LHFPL6: variants seen among roughly 807,000 people sequenced by gnomAD.
LHFPL6 encodes the protein LHFPL tetraspan subfamily member 6.
A neutral mutation model predicts 20.6 loss-of-function variants in LHFPL6; 9 were observed. That is an observed-to-expected ratio of 0.44 (90% CI 0.26 to 0.76). The LOEUF (loss-of-function observed/expected upper bound fraction) is 0.76, where lower values mean the gene tolerates loss of function less well. Among genes scored for constraint, LHFPL6 ranks in the 30% least tolerant of loss-of-function variants. The pLI, the probability that LHFPL6 is intolerant of heterozygous loss-of-function variation, is 0.20. For missense variants in LHFPL6, 218 were observed against 253.5 expected, an observed-to-expected ratio of 0.86 and a Z score of 0.95; for synonymous variants, 105 against 98.7, an observed-to-expected ratio of 1.06 and a Z score of -0.38.
At chr13:39,584,058 C>G (rs1204779988) in intron 2 of LHFPL6, among the ~76,000 whole-genome samples, 4 of 152,120 alleles carry the variant, frequency 2.6e-5, no homozygotes, top group African/African-American at 9.7e-5. Flanking sequence ...GACATATTTT[C>G]TCTTTCTAAT....
rs146324092 is a variant in LHFPL6 at position 39,358,440 on chromosome 13, T to G, written c.485-14386A>C. Among the ~76,000 whole-genome samples, 728 of 152,160 alleles carry G rather than the reference T, an allele frequency of 4.8e-3. 10 individuals carry two copies. Among genetic ancestry groups the G allele is most frequent in the African/African-American group, 0.017 (696 of 41,508 alleles). ...ATGTAAGACCTCAAACTATAAAAAT[T>G]CTAGATGAAAACCTAGTGAACACCC... On this transcript the variant is annotated intron_variant, in intron 3 of 3. Transcript: ENST00000379589.
intron 2 of LHFPL6, among the ~76,000 whole-genome samples, chr13:39,533,211 A>G (rs367785252): frequency 6.6e-6 from 1 of 152,252 alleles, no homozygotes; most frequent in South Asian, 2.1e-4. Flanking sequence ...ATATCTGGGT[A>G]TGTGGGTATA....
intron 2 of LHFPL6, among the ~76,000 whole-genome samples, chr13:39,473,277 C>T (rs1015318859): frequency 2.7e-5 from 4 of 150,716 alleles, no homozygotes; most frequent in African/African-American, 9.8e-5. Flanking sequence ...GCTTTAAGAA[C>T]CAAAGTTCTC....
intron 2 of LHFPL6, among the ~76,000 whole-genome samples, chr13:39,442,084 C>T (rs1262111140): frequency 6.6e-6 from 1 of 152,118 alleles, no homozygotes; most frequent in Admixed American, 6.5e-5. Flanking sequence ...CTGCCTCAGC[C>T]TCCCATAGTG....
chr13:39,440,668 A>C (rs1240244494), intron 2 of LHFPL6, among the ~76,000 whole-genome samples: 1 of 152,020 alleles, frequency 6.6e-6, no homozygotes, highest in African/African-American at 2.4e-5. Context: ...TGGTGCACTC[A>C]TGGCTCACTG....
At chr13:39,521,979 T>C (rs1047665317) in intron 2 of LHFPL6, among the ~76,000 whole-genome samples, 13 of 152,140 alleles carry the variant, frequency 8.5e-5, no homozygotes, top group African/African-American at 1.9e-4. Context: ...GCCCATTCCA[T>C]TGGCTTCCCG....
chr13:39,495,820 T>A (rs1281052234), intron 2 of LHFPL6, among the ~76,000 whole-genome samples: 2 of 145,070 alleles, frequency 1.4e-5, no homozygotes, highest in African/African-American at 5.1e-5. Flanking sequence ...TTCACCAGAT[T>A]ATCCTGCTGC....
At chr13:39,450,856 T>C (rs548737372) in intron 2 of LHFPL6, among the ~76,000 whole-genome samples, 1 of 152,248 alleles carries the variant, frequency 6.6e-6, no homozygotes, top group African/African-American at 2.4e-5. Context: ...AATTAGACTA[T>C]AAACATACAG....
At chr13:39,584,281 C>A (rs1366391113) in intron 2 of LHFPL6, among the ~76,000 whole-genome samples, 1 of 152,120 alleles carries the variant, frequency 6.6e-6, no homozygotes, top group African/African-American at 2.4e-5. Flanking sequence ...GTGGCTCACA[C>A]CTGTAATCCC....
Position 39,589,769 on chromosome 13 carries a change from C to T in LHFPL6, c.385+11063G>A, listed in dbSNP as rs575196939. On this transcript the variant is annotated intron_variant, in intron 2 of 3. Coordinates refer to ENST00000379589, the MANE Select transcript of LHFPL6 (RefSeq NM_005780.3). ...GGGTGTCTACACTAGAAAATTTAGCCAGCACACGATCGTCTGTTAAATAAT... is the reference window on the plus strand; with the variant it reads ...GGGTGTCTACACTAGAAAATTTAGCTAGCACACGATCGTCTGTTAAATAAT... 3.3e-5 allele frequency among the ~76,000 whole-genome samples: 5 copies of T among 152,238 alleles called. No individual in the cohort carries two copies. In the South Asian group the frequency reaches 1.0e-3, roughly 32 times the overall value.
At chr13:39,345,174 C>G (rs1436339424) in intron 3 of LHFPL6, among the ~76,000 whole-genome samples, 1 of 152,080 alleles carries the variant, frequency 6.6e-6, no homozygotes, top group Non-Finnish European at 1.5e-5. Flanking sequence ...ACATAAACAC[C>G]AAGACATTTG....
intron 2 of LHFPL6, among the ~76,000 whole-genome samples, chr13:39,497,958 C>T (rs1180493012): frequency 6.6e-6 from 1 of 152,192 alleles, no homozygotes; most frequent in African/African-American, 2.4e-5. Context: ...TGCTAGTATA[C>T]ACTTGTAAAG....
At chr13:39,434,961 CAGG>C (rs1254192237) in intron 2 of LHFPL6, among the ~76,000 whole-genome samples, 2 of 144,094 alleles carry the variant, frequency 1.4e-5, no homozygotes, top group African/African-American at 5.1e-5. Flanking sequence ...GAGGCTGAGG[CAGG>C]AGAATGGCGT....
At chr13:39,562,615 CACATATATACACACAT>C (rs1566142247) in intron 2 of LHFPL6, among the ~76,000 whole-genome samples, 14 of 45,704 alleles carry the variant, frequency 3.1e-4, no homozygotes, top group Non-Finnish European at 4.4e-4. Flanking sequence ...TACATATATA[CACATATATACACACAT>C]ATATATACAC....
intron 2 of LHFPL6, among the ~76,000 whole-genome samples, chr13:39,545,944 TA>T (rs1870969398): frequency 6.6e-6 from 1 of 152,126 alleles, no homozygotes; most frequent in South Asian, 2.1e-4. Flanking sequence ...AAAACTGTAT[TA>T]TTTTTATTGT....
chr13:39,536,245 A>T (rs1383206077), intron 2 of LHFPL6, among the ~76,000 whole-genome samples: 1 of 152,190 alleles, frequency 6.6e-6, no homozygotes. Context: ...ATTTAATTAC[A>T]CATCAAGTGA....
At chr13:39,533,198 C>T (rs1040917187) in intron 2 of LHFPL6, among the ~76,000 whole-genome samples, 1 of 152,200 alleles carries the variant, frequency 6.6e-6, no homozygotes, top group South Asian at 2.1e-4. Context: ...CAAGTCCTTA[C>T]CCATATCTGG....
chr13:39,493,338 AAAG>A (rs1430163834), intron 2 of LHFPL6, among the ~76,000 whole-genome samples: 1 of 151,732 alleles, frequency 6.6e-6, no homozygotes, highest in African/African-American at 2.4e-5. Flanking sequence ...AAAGAAAAGA[AAAG>A]AAAAAAAAGA....
At chr13:39,421,836 T>C (rs985354730) in intron 2 of LHFPL6, among the ~76,000 whole-genome samples, 4 of 152,326 alleles carry the variant, frequency 2.6e-5, no homozygotes, top group South Asian at 4.1e-4. Context: ...TCTTTTTATA[T>C]GACATATTTG....
Sources: allele counts gnomAD v4.1 joint callset (sites outside exome capture counted in the v4.1 genomes callset), GRCh38; gene constraint gnomAD v4.1.1; transcripts MANE v1.5; gene names NCBI Gene and HGNC (gene_info 2026-07-23, HGNC 2026-07-21).